The following LRRC7 variants were observed in gnomAD, a reference collection of about 807,000 sequenced individuals.
LRRC7 encodes leucine rich repeat containing 7.
A neutral mutation model predicts 175.7 loss-of-function variants in LRRC7; 23 were observed. The observed-to-expected ratio is 0.13, with a 90% CI of 0.09 to 0.19. The LOEUF is 0.19. Among genes scored for constraint, LRRC7 ranks in the 10% least tolerant of loss-of-function variants. LRRC7 has a pLI of 1.00. For synonymous variants in LRRC7, 685 were observed against 680.9 expected, an observed-to-expected ratio of 1.01 and a Z score of -0.09; for missense variants, 1,354 against 1,904.7, an observed-to-expected ratio of 0.71 and a Z score of 5.38.
chr1:69,978,200 T>C (rs183819408), intron 8 of LRRC7, among the ~76,000 whole-genome samples: 1 of 152,112 alleles, frequency 6.6e-6, no homozygotes, highest in African/African-American at 2.4e-5. Flanking sequence ...GGAGAATGGC[T>C]TGAACCCAGG....
chr1:69,603,307 T>C (rs1444649657), intron 1 of LRRC7, among the ~76,000 whole-genome samples: 1 of 152,200 alleles, frequency 6.6e-6, no homozygotes, highest in African/African-American at 2.4e-5. Flanking sequence ...ACTACAGATA[T>C]ATAGCTTAGA....
chr1:69,905,633 A>G (rs1378324320), intron 7 of LRRC7, among the ~76,000 whole-genome samples: 1 of 152,186 alleles, frequency 6.6e-6, no homozygotes, highest in African/African-American at 2.4e-5. Flanking sequence ...TATATGTGCC[A>G]CATTTTCTTA....
rs964155754 is a variant in LRRC7, at chr1:69,723,244, A to G, written c.101-36947A>G. The stretch of plus-strand genomic sequence containing the variant: ...TGTGAAAAAGTTCACTTTTACAATT[A>G]GGGAACTTTTAACATCTGCTAGGAA... On this transcript the variant is annotated intron_variant, in intron 2 of 26. Coordinates refer to ENST00000651989, the MANE Select transcript of LRRC7 (RefSeq NM_001370785.2). Among the ~76,000 whole-genome samples the G allele has an allele frequency of 5.9e-5, 9 of 152,276 alleles. No homozygotes were observed. In the South Asian group the frequency reaches 1.0e-3, roughly 18 times the overall value.
chr1:69,916,288 A>G (rs181500480), intron 7 of LRRC7, among the ~76,000 whole-genome samples: 2,891 of 137,134 alleles, frequency 0.021, 98 homozygotes, highest in African/African-American at 0.074. Context: ...TATCATATAT[A>G]TTATATATAT....
chr1:70,037,590 T>C (rs1659429266), intron 20 of LRRC7, among the ~76,000 whole-genome samples: 1 of 152,182 alleles, frequency 6.6e-6, no homozygotes, highest in Admixed American at 6.5e-5. Context: ...ATTCATCAGA[T>C]ACACCAAGCA....
chr1:69,726,284 A>G (rs1318801127), intron 2 of LRRC7, among the ~76,000 whole-genome samples: 1 of 152,184 alleles, frequency 6.6e-6, no homozygotes, highest in African/African-American at 2.4e-5. Flanking sequence ...TATTGCCAGG[A>G]GGAAAGAGTT....
chr1:69,690,398 G>C (rs957990766), intron 2 of LRRC7, among the ~76,000 whole-genome samples: 2 of 152,118 alleles, frequency 1.3e-5, no homozygotes, highest in East Asian at 3.9e-4. Flanking sequence ...TTGGATGTCC[G>C]GGAAGAAGTA....
intron 4 of LRRC7, among the ~76,000 whole-genome samples, chr1:69,798,109 A>G (rs1676016286): frequency 1.3e-5 from 2 of 151,946 alleles, no homozygotes. Flanking sequence ...TTTAGTAGAG[A>G]TGGGATTTCA....
chr1:69,574,735 C>G (rs1645875371), intron 1 of LRRC7, among the ~76,000 whole-genome samples: 1 of 152,134 alleles, frequency 6.6e-6, no homozygotes, highest in Non-Finnish European at 1.5e-5. Context: ...AGGCACCTTA[C>G]AGAATCATGT....
intron 13 of LRRC7, 42 bp downstream of exon 13, chr1:70,013,131 T>C (rs764928040): frequency 1.6e-6 from 2 of 1,229,770 alleles, no homozygotes; most frequent in South Asian, 1.5e-5. Context: ...AGTTATTTGC[T>C]GAAAGCAAAT....
chr1:69,602,316 G>A (rs1460240705), intron 1 of LRRC7, among the ~76,000 whole-genome samples: 3 of 152,132 alleles, frequency 2.0e-5, no homozygotes, highest in African/African-American at 7.2e-5. Flanking sequence ...AAACAGCAGT[G>A]CATGGTTGAC....
At chr1:69,694,413 G>A (rs965246083) in intron 2 of LRRC7, among the ~76,000 whole-genome samples, 3 of 152,110 alleles carry the variant, frequency 2.0e-5, no homozygotes, top group African/African-American at 7.2e-5. Context: ...TTAAAAGGCT[G>A]ATTTTCCCTG....
intron 3 of LRRC7, among the ~76,000 whole-genome samples, chr1:69,764,797 A>G (rs1237864425): frequency 6.6e-6 from 1 of 151,708 alleles, no homozygotes; most frequent in Non-Finnish European, 1.5e-5. Context: ...AGACAGATAG[A>G]TAACTGGGCA....
intron 8 of LRRC7, among the ~76,000 whole-genome samples, chr1:69,977,099 A>G (rs1208435484): frequency 6.6e-6 from 1 of 152,174 alleles, no homozygotes; most frequent in Non-Finnish European, 1.5e-5. Context: ...GGGAAACTGG[A>G]AGACATGTTT....
At chr1:69,797,584 T>C (rs1675940301) in intron 4 of LRRC7, among the ~76,000 whole-genome samples, 1 of 152,190 alleles carries the variant, frequency 6.6e-6, no homozygotes, top group East Asian at 1.9e-4. Flanking sequence ...CTCCTAAATA[T>C]ATGGCAGGTC....
chr1:70,014,225 T>G (rs1311493684), intron 13 of LRRC7: 2 of 151,992 alleles, frequency 1.3e-5, no homozygotes, highest in African/African-American at 2.4e-5. Context: ...TATATTGTTA[T>G]AAATAAGATT....
chr1:69,680,231 G>A (rs1365296290), intron 2 of LRRC7, among the ~76,000 whole-genome samples: 2 of 152,094 alleles, frequency 1.3e-5, no homozygotes, highest in East Asian at 3.9e-4. Context: ...ATTTTAAGAA[G>A]CTCTGCAGGA....
intron 23 of LRRC7, among the ~76,000 whole-genome samples, chr1:70,070,822 C>G (rs1008325080): frequency 6.6e-6 from 1 of 152,144 alleles, no homozygotes; most frequent in Non-Finnish European, 1.5e-5. Context: ...TCTCTGACAC[C>G]ACCTCGTTAG....
At chr1:69,872,012 T>C (rs933825492) in intron 7 of LRRC7, among the ~76,000 whole-genome samples, 1 of 151,992 alleles carries the variant, frequency 6.6e-6, no homozygotes. Context: ...TTCAGTTGTA[T>C]GCAAAAATAC....
Sources: gnomAD v4.1 joint callset for allele counts (sites outside exome capture counted in the v4.1 genomes callset) on GRCh38, gnomAD v4.1.1 for gene constraint, MANE v1.5 for transcripts, NCBI Gene and HGNC (gene_info 2026-07-23, HGNC 2026-07-21) for gene names.